LINGO2: variants seen among roughly 807,000 people sequenced by gnomAD.
LINGO2 encodes leucine rich repeat and Ig domain containing 2, also known as leucine-rich repeat and immunoglobulin-like domain-containing nogo receptor-interacting protein 2.
A neutral mutation model predicts 30.6 loss-of-function variants in LINGO2; 14 were observed. The ratio of observed to expected loss-of-function variants is 0.46; its 90% CI spans 0.30 to 0.72. The LOEUF (loss-of-function observed/expected upper bound fraction) is 0.72. Ranked by LOEUF, LINGO2 falls within the 30% of genes least tolerant of loss-of-function variation. The pLI, the probability that LINGO2 is intolerant of heterozygous loss-of-function variation, is 0.07. For missense variants in LINGO2, 729 were observed against 751.7 expected (o/e 0.97, Z 0.35); for synonymous variants, 317 against 288.5 (o/e 1.10, Z -1.00).
rs116925614 is a variant in LINGO2, at chr9:28,427,131, C to T, written c.-279+48809G>A. 4.2e-3 allele frequency among the ~76,000 whole-genome samples: 646 copies of T among 152,060 alleles called. 2 individuals are homozygous for T. The highest frequency in any genetic ancestry group is 6.9e-3 in the Non-Finnish European group (472 of 67,974). On this transcript the variant is annotated intron_variant, in intron 2 of 5. Transcript: ENST00000379992. ...ATTTATTTTACTCTCATTTAAAAAC[C>T]GCACATGAGCACTTCCCATGCAGTA...
chr9:28,642,907 A>G (rs1053730835), intron 1 of LINGO2, among the ~76,000 whole-genome samples: 6 of 152,128 alleles, frequency 3.9e-5, no homozygotes, highest in Non-Finnish European at 2.9e-5. Flanking sequence ...TGAAGGTCAT[A>G]CCCACTAATA....
At chr9:28,075,503 C>T (rs1197944825) in intron 4 of LINGO2, among the ~76,000 whole-genome samples, 2 of 151,926 alleles carry the variant, frequency 1.3e-5, no homozygotes, top group African/African-American at 4.8e-5. Context: ...AGTAACTCTA[C>T]TGGTAATTTA....
chr9:28,004,929 A>C (rs528733760), intron 5 of LINGO2, among the ~76,000 whole-genome samples: 45 of 152,298 alleles, frequency 3.0e-4, no homozygotes, highest in African/African-American at 1.0e-3. Flanking sequence ...TATGATTTTT[A>C]AAACCATCAA....
chr9:28,262,429 AT>A (rs1213658539), intron 4 of LINGO2, among the ~76,000 whole-genome samples: 1 of 151,934 alleles, frequency 6.6e-6, no homozygotes, highest in Non-Finnish European at 1.5e-5. Context: ...TCCAGCTGGT[AT>A]TTTAAAATAG....
At chr9:29,082,223 A>C in the LINGO2 span, among the ~76,000 whole-genome samples, 1 of 152,332 alleles carries the variant, frequency 6.6e-6, no homozygotes, top group Non-Finnish European at 1.5e-5. Context: ...TGCTGGTACC[A>C]AAACAGAGAT....
At chr9:28,244,310 G>A (rs1821917974) in intron 4 of LINGO2, among the ~76,000 whole-genome samples, 1 of 152,124 alleles carries the variant, frequency 6.6e-6, no homozygotes, top group South Asian at 2.1e-4. Flanking sequence ...AGAATCTCTG[G>A]AACACAGCTA....
intron 1 of LINGO2, among the ~76,000 whole-genome samples, chr9:28,512,592 T>TA (rs1820442357): frequency 1.2e-3 from 2 of 1,654 alleles, no homozygotes; most frequent in East Asian, 0.024. Flanking sequence ...TATATATGTG[T>TA]GTATATATAT....
chr9:28,899,309 C>T, the LINGO2 span, among the ~76,000 whole-genome samples: 7 of 152,188 alleles, frequency 4.6e-5, no homozygotes, highest in African/African-American at 1.7e-4. Flanking sequence ...GGGCTGGATC[C>T]CACAGCCTTA....
intron 1 of LINGO2, among the ~76,000 whole-genome samples, chr9:28,574,820 AT>A: frequency 6.6e-6 from 1 of 152,314 alleles, no homozygotes. Context: ...ACATAAGGCA[AT>A]TCACTCAACA....
chr9:29,024,886 C>G, the LINGO2 span, among the ~76,000 whole-genome samples: 2 of 152,222 alleles, frequency 1.3e-5, no homozygotes, highest in Middle Eastern at 6.8e-3. Context: ...GTCCTCATTT[C>G]TAACACTTTA....
rs181438522 is a variant in LINGO2 at position 28,223,371 on chromosome 9, C to T, written c.-87+71837G>A. Among the ~76,000 whole-genome samples, 419 of 152,232 alleles carry T rather than the reference C, an allele frequency of 2.8e-3. 1 individual carries two copies. The highest frequency in any genetic ancestry group is 3.9e-3 in the Non-Finnish European group (263 of 68,014). Reference sequence around the variant, plus strand: ...GGAAGAAGGCATAAGGGCAAGAGAACCAAACACTGTGTGAAGCCTCTTTTA... The same window carrying T: ...GGAAGAAGGCATAAGGGCAAGAGAATCAAACACTGTGTGAAGCCTCTTTTA... On this transcript the variant is annotated intron_variant, in intron 4 of 5. Coordinates refer to ENST00000379992, the Ensembl canonical transcript of LINGO2.
chr9:28,882,699 G>A, the LINGO2 span, among the ~76,000 whole-genome samples: 129,518 of 152,070 alleles, frequency 0.85, 55,327 homozygotes, highest in Non-Finnish European at 0.89. Flanking sequence ...CCTACACCTC[G>A]TGGACCACAC....
the LINGO2 span, among the ~76,000 whole-genome samples, chr9:29,075,008 A>G: frequency 6.6e-6 from 1 of 151,894 alleles, no homozygotes; most frequent in African/African-American, 2.4e-5. Flanking sequence ...CTTCATTATC[A>G]TATTCATAAA....
chr9:29,056,390 T>C, the LINGO2 span, among the ~76,000 whole-genome samples: 7 of 152,182 alleles, frequency 4.6e-5, no homozygotes, highest in African/African-American at 1.7e-4. Context: ...CATTTGCATA[T>C]CTTCTTTTGA....
intron 4 of LINGO2, among the ~76,000 whole-genome samples, chr9:28,159,122 T>C (rs1213650783): frequency 6.6e-6 from 1 of 152,192 alleles, no homozygotes; most frequent in African/African-American, 2.4e-5. Flanking sequence ...TTATAAGGTA[T>C]AAAAATGGTG....
chr9:28,513,823 C>T (rs769343078), intron 1 of LINGO2, among the ~76,000 whole-genome samples: 13 of 152,294 alleles, frequency 8.5e-5, no homozygotes, highest in Non-Finnish European at 1.6e-4. Flanking sequence ...ATACCGACTT[C>T]GTGAATGTAT....
chr9:28,877,114 T>G, the LINGO2 span, among the ~76,000 whole-genome samples: 1 of 149,944 alleles, frequency 6.7e-6, no homozygotes, highest in African/African-American at 2.5e-5. Context: ...TTTTTTTTTG[T>G]AAATTTGTTT....
At chr9:28,604,119 G>T (rs1825606121) in intron 1 of LINGO2, among the ~76,000 whole-genome samples, 1 of 151,906 alleles carries the variant, frequency 6.6e-6, no homozygotes, top group Non-Finnish European at 1.5e-5. Context: ...CCAGGTGGCA[G>T]GACAGACCAT....
At chr9:28,497,428 C>A (rs1281259819) in intron 1 of LINGO2, among the ~76,000 whole-genome samples, 4 of 152,144 alleles carry the variant, frequency 2.6e-5, no homozygotes, top group Non-Finnish European at 5.9e-5. Context: ...ATCACTGATA[C>A]CCTTTCTTCC....
Sources: allele counts gnomAD v4.1 joint callset (sites outside exome capture counted in the v4.1 genomes callset), GRCh38; gene constraint gnomAD v4.1.1; transcripts MANE v1.5; gene names NCBI Gene and HGNC (gene_info 2026-07-23, HGNC 2026-07-21).